The following TFRC variants were observed in gnomAD, a reference collection of about 807,000 sequenced individuals.
TFRC encodes transferrin receptor protein 1.
A neutral mutation model predicts 85.8 loss-of-function variants in TFRC; 35 were observed. The observed-to-expected ratio is 0.41, with a 90% CI of 0.31 to 0.54. The LOEUF (loss-of-function observed/expected upper bound fraction) is 0.54. Ranked by LOEUF, TFRC falls within the 20% of genes least tolerant of loss-of-function variation. The pLI is 0.31. For missense variants in TFRC, 828 were observed against 921.5 expected (o/e 0.90, Z 1.31); for synonymous variants, 362 against 328.6 (o/e 1.10, Z -1.10).
chr3:196,068,764 C>T (rs1717946617), intron 7 of TFRC, among the ~76,000 whole-genome samples: 1 of 151,142 alleles, frequency 6.6e-6, no homozygotes. Flanking sequence ...CCTGTCTCTA[C>T]TAAAAATGCA....
intron 2 of TFRC, among the ~76,000 whole-genome samples, chr3:196,076,834 C>G (rs561590921): frequency 6.6e-6 from 1 of 152,136 alleles, no homozygotes; most frequent in Non-Finnish European, 1.5e-5. Context: ...AAGCTGTCCC[C>G]GTCTACCACA....
chr3:196,071,504 A>G lies in TFRC; in HGVS notation c.585-6T>C, dbSNP rs1718205352. ...TGATCACCGAGTTTTGAGCGCTGTT[A>G]AAAAGATTAAGTTAAAATAAGCCTA... On this transcript the variant is annotated splice_region_variant and splice_polypyrimidine_tract_variant and intron_variant, in intron 5 of 18. Transcript: ENST00000360110. 1 of 1,613,626 alleles carries G rather than the reference A, an allele frequency of 6.2e-7. No individual in the cohort carries two copies. Among genetic ancestry groups the G allele is most frequent in the African/African-American group, 1.3e-5 (1 of 75,054 alleles).
chr3:196,060,092 G>C, intron 14 of TFRC, 88 bp downstream of exon 14: 1 of 1,013,000 alleles, frequency 9.9e-7, no homozygotes, highest in Non-Finnish European at 1.5e-6. Flanking sequence ...TTTTGTTACT[G>C]ACTACGGTTT....
intron 18 of TFRC, among the ~76,000 whole-genome samples, chr3:196,052,647 G>T (rs1332240288): frequency 6.6e-6 from 1 of 151,980 alleles, no homozygotes; most frequent in African/African-American, 2.4e-5. Flanking sequence ...CTCCATGTTG[G>T]TCAGGCTGGT....
intron 1 of TFRC, among the ~76,000 whole-genome samples, chr3:196,081,405 A>G (rs1448186854): frequency 2.0e-5 from 3 of 152,256 alleles, no homozygotes; most frequent in Non-Finnish European, 1.5e-5. Flanking sequence ...AATGCCTGTA[A>G]CACGCTAGTA....
Position 196,049,943 on chromosome 3 carries a change from A to T in TFRC, c.*1999T>A. The T allele has an allele frequency of 4.3e-6, 1 of 231,586 alleles. No homozygotes were observed. The highest frequency in any genetic ancestry group is 6.1e-5 in the East Asian group (1 of 16,378). The allele number at this position is 231,586 out of a possible 1,614,324, so 14.3% of individuals were successfully genotyped here. A position where few individuals can be genotyped will look rare whatever the true frequency, so the allele number is the denominator to read the frequency against. On this transcript the variant is annotated 3_prime_UTR_variant, in exon 19 of 19. Coordinates refer to ENST00000360110, the MANE Select transcript of TFRC (RefSeq NM_001128148.3). ...GGAGGCCGTTTCCAACTGCCCTATG[A>T]CAAACAGCTGATCATCACGTTTATA...
chr3:196,052,446 TTTG>T (rs1284780230), intron 18 of TFRC, among the ~76,000 whole-genome samples: 6 of 151,834 alleles, frequency 4.0e-5, no homozygotes, highest in Admixed American at 6.6e-5. Context: ...TGCCCGGCTT[TTTG>T]TTGTTGTTGA....
chr3:196,067,468 C>T (rs1209892661), intron 9 of TFRC, 50 bp downstream of exon 9: 1 of 1,562,504 alleles, frequency 6.4e-7, no homozygotes, highest in East Asian at 2.3e-5. Context: ...ACCGTTCTTC[C>T]CTAATCATAA....
intron 13 of TFRC, chr3:196,060,455 C>T: frequency 1.8e-6 from 1 of 549,462 alleles, no homozygotes; most frequent in Non-Finnish European, 3.3e-6. Flanking sequence ...TGGGCTCGTA[C>T]TACTCCTTGA....
Position 196,077,132 on chromosome 3 carries a change from A to G in TFRC, c.-23-10T>C. 1 of 1,604,020 alleles carries G rather than the reference A, an allele frequency of 6.2e-7. No individual in the cohort carries two copies. The highest frequency in any genetic ancestry group is 8.5e-7 in the Non-Finnish European group (1 of 1,171,698). ...TGCCACACAGAAGAACCTAGGTATC[A>G]GAATAGAGAATTATTGAGAAAGATA... On this transcript the variant is annotated splice_polypyrimidine_tract_variant and intron_variant, in intron 1 of 18. Transcript: ENST00000360110.
intron 1 of TFRC, among the ~76,000 whole-genome samples, chr3:196,081,652 A>C (rs1195629951): frequency 1.3e-5 from 2 of 152,160 alleles, no homozygotes; most frequent in African/African-American, 4.8e-5. Flanking sequence ...TGCGGCCTTC[A>C]AGGGCGAGGA....
At chr3:196,075,925 T>C (rs1283016980) in intron 2 of TFRC, among the ~76,000 whole-genome samples, 2 of 150,522 alleles carry the variant, frequency 1.3e-5, no homozygotes, top group Non-Finnish European at 3.0e-5. Flanking sequence ...GTCAGAAGTT[T>C]GAGACAAGCC....
intron 1 of TFRC, among the ~76,000 whole-genome samples, chr3:196,080,137 G>A (rs891851967): frequency 3.9e-5 from 6 of 152,078 alleles, no homozygotes; most frequent in Non-Finnish European, 8.8e-5. Context: ...ATGGCATCTC[G>A]CTGTCGCGCA....
intron 4 of TFRC, among the ~76,000 whole-genome samples, chr3:196,073,046 A>AACAAAC (rs1553798498): frequency 2.3e-5 from 3 of 128,434 alleles, no homozygotes; most frequent in Admixed American, 1.6e-4. Flanking sequence ...CAAAAAAAAA[A>AACAAAC]AAAAAAAAAA....
chr3:196,080,037 AAATAT>A (rs1266377819), intron 1 of TFRC, among the ~76,000 whole-genome samples: 1 of 152,228 alleles, frequency 6.6e-6, no homozygotes, highest in Non-Finnish European at 1.5e-5. Context: ...ATGATATGAA[AAATAT>A]AATGAAAACA....
At chr3:196,081,508 C>T (rs1414116969) in intron 1 of TFRC, among the ~76,000 whole-genome samples, 1 of 152,228 alleles carries the variant, frequency 6.6e-6, no homozygotes, top group Non-Finnish European at 1.5e-5. Context: ...CAAGGTCACC[C>T]ACGAATCCCA....
chr3:196,050,562 C>A lies in TFRC; in HGVS notation c.*1380G>T. ...AGACACTGTGGTAGGTAAAAACTAC[C>A]TTGTTCTTTATACATTATGGAAGAC... is the stretch of plus-strand genomic sequence containing the variant. On this transcript the variant is annotated 3_prime_UTR_variant, in exon 19 of 19. Transcript: ENST00000360110. The A allele has an allele frequency of 4.9e-6, 1 of 203,702 alleles. No individual in the cohort carries two copies. The highest frequency in any genetic ancestry group is 7.6e-5 in the East Asian group (1 of 13,116). 12.6% of individuals were successfully genotyped at this position (203,702 alleles called of 1,614,324 possible). A position where few individuals can be genotyped will look rare whatever the true frequency, so the allele number is the denominator to read the frequency against.
At chr3:196,069,869 C>T (rs1443798315) in intron 6 of TFRC, among the ~76,000 whole-genome samples, 1 of 152,134 alleles carries the variant, frequency 6.6e-6, no homozygotes, top group African/African-American at 2.4e-5. Flanking sequence ...GGACTGGAGG[C>T]CTGGAACAAT....
At chr3:196,055,785 G>A (rs193298322) in intron 16 of TFRC, among the ~76,000 whole-genome samples, 224 of 144,388 alleles carry the variant, frequency 1.6e-3, no homozygotes, top group Non-Finnish European at 2.5e-3. Flanking sequence ...ATGACTCCCC[G>A]CAGCCTTGAG....
Sources: allele counts gnomAD v4.1 joint callset (sites outside exome capture counted in the v4.1 genomes callset), GRCh38; gene constraint gnomAD v4.1.1; transcripts MANE v1.5; gene names NCBI Gene and HGNC (gene_info 2026-07-23, HGNC 2026-07-21).